LAMA3: variants seen among roughly 807,000 people sequenced by gnomAD.
LAMA3 encodes laminin subunit alpha-3.
A neutral mutation model predicts 402.0 loss-of-function variants in LAMA3; 281 were observed. The ratio of observed to expected loss-of-function variants is 0.70; its 90% CI spans 0.63 to 0.77. The LOEUF (loss-of-function observed/expected upper bound fraction) is 0.77. Ranked by LOEUF, LAMA3 falls within the 30% of genes least tolerant of loss-of-function variation. LAMA3 has a pLI of 0.00. For missense variants in LAMA3, 3,840 were observed against 4,215.5 expected, an observed-to-expected ratio of 0.91 and a Z score of 2.47; for synonymous variants, 1,431 against 1,558.4, an observed-to-expected ratio of 0.92 and a Z score of 1.93.
intron 32 of LAMA3, among the ~76,000 whole-genome samples, chr18:23,850,397 A>G (rs552471610): frequency 6.6e-6 from 1 of 152,358 alleles, no homozygotes; most frequent in Admixed American, 6.5e-5. Context: ...AATAAGTTGG[A>G]ACCATAAAAC....
chr18:23,720,928 G>A (rs1041262088), intron 2 of LAMA3, among the ~76,000 whole-genome samples: 1 of 152,138 alleles, frequency 6.6e-6, no homozygotes, highest in Non-Finnish European at 1.5e-5. Flanking sequence ...AGGCCAAGGT[G>A]GGAGGATTGC....
At chr18:23,780,839 C>T (rs1264217147) in intron 11 of LAMA3, among the ~76,000 whole-genome samples, 1 of 152,142 alleles carries the variant, frequency 6.6e-6, no homozygotes, top group African/African-American at 2.4e-5. Context: ...TTCTGTCCTG[C>T]AGGCATTGGG....
chr18:23,941,299 C>G (rs546751058), intron 68 of LAMA3, among the ~76,000 whole-genome samples: 1 of 142,728 alleles, frequency 7.0e-6, no homozygotes, highest in South Asian at 2.4e-4. Context: ...TCTGGCCTCC[C>G]CCTTGTGGCC....
intron 68 of LAMA3, among the ~76,000 whole-genome samples, chr18:23,942,752 A>G (rs1215792023): frequency 6.6e-6 from 1 of 151,964 alleles, no homozygotes; most frequent in Non-Finnish European, 1.5e-5. Context: ...TAATTTTTGT[A>G]TTTTTAGTAG....
chr18:23,813,033 TA>T, intron 13 of LAMA3, 23 bp from the exon 14 acceptor site: 2 of 1,567,420 alleles, frequency 1.3e-6, no homozygotes, highest in Non-Finnish European at 1.8e-6. Context: ...CCAGATAATT[TA>T]AAAATTTCTG....
chr18:23,860,261 C>CTTTTTTT (rs59852195), intron 34 of LAMA3, among the ~76,000 whole-genome samples: 115 of 112,652 alleles, frequency 1.0e-3, no homozygotes, highest in Non-Finnish European at 1.5e-3. Context: ...CTTTTCTTTT[C>CTTTTTTT]TTTTTTTTTT....
At chr18:23,769,980 A>C (rs1598754099) in intron 8 of LAMA3, among the ~76,000 whole-genome samples, 1 of 152,264 alleles carries the variant, frequency 6.6e-6, no homozygotes, top group Non-Finnish European at 1.5e-5. Flanking sequence ...AGTAAACTTT[A>C]AGACAAAGAG....
At position 23,815,305 on chromosome 18, in the gene LAMA3, T is replaced by TG. The variant is rs2063153845; in HGVS notation, c.1941+70dup. On this transcript the variant is annotated intron_variant, in intron 16 of 74. Transcript: ENST00000313654. ...CTACAGCAACTGCTTGTGGGGTTTC[T>TG]GGGGGCGTGTGTTAGTACTTCTGTC... 45 of 1,494,960 alleles carry TG rather than the reference T, an allele frequency of 3.0e-5. No individual in the cohort carries two copies. The South Asian group carries it at 4.9e-4, about 16-fold the overall frequency. The allele number at this position is 1,494,960 out of a possible 1,614,324, so 92.6% of individuals were successfully genotyped here.
intron 12 of LAMA3, among the ~76,000 whole-genome samples, chr18:23,787,863 A>G (rs1422712159): frequency 6.6e-6 from 1 of 152,198 alleles, no homozygotes; most frequent in Non-Finnish European, 1.5e-5. Flanking sequence ...ACCATCAAAT[A>G]ATAATTTGAA....
intron 51 of LAMA3, among the ~76,000 whole-genome samples, chr18:23,905,146 C>G (rs1221694272): frequency 2.0e-5 from 3 of 152,112 alleles, no homozygotes; most frequent in African/African-American, 7.2e-5. Flanking sequence ...TATTAAATAT[C>G]AGAGTTCAGG....
In LAMA3 at chr18:23,861,777, G is replaced by C; in HGVS notation, c.4554G>C (p.Trp1518Cys). ...CCGCAACCATCCACAGCGCGTCCTG[G>C]GTCGCACCCACCTCCTACCTGGGGG... ...ELPATIHSAS[W>C]VAPTSYLGDK... The change falls in exon 35 of 75, where the codon TGG becomes TGC. Residue 1518 changes from tryptophan (W) to cysteine (C), a missense_variant. Trp to Cys is a radical substitution (Grantham distance 215). Around this residue, in one of 3 missense-constraint regions of LAMA3, gnomAD observed 2,109 missense variants for 2,376.0 expected, o/e 0.89. Transcript: ENST00000313654. 6.2e-7 allele frequency: 1 copy of C among 1,613,500 alleles called. No homozygotes were observed. The highest frequency in any genetic ancestry group is 8.5e-7 in the Non-Finnish European group (1 of 1,179,710).
chr18:23,947,719 T>G (rs2082754993), intron 70 of LAMA3, among the ~76,000 whole-genome samples: 1 of 152,046 alleles, frequency 6.6e-6, no homozygotes, highest in African/African-American at 2.4e-5. Context: ...TTATTTATAA[T>G]ACACATTATA....
chr18:23,827,307 G>A lies in LAMA3; in HGVS notation c.2670-7G>A, dbSNP rs778249170. 6 of 1,614,094 alleles carry A rather than the reference G, an allele frequency of 3.7e-6. No individual in the cohort carries two copies. In the East Asian group the frequency reaches 1.1e-4, roughly 30 times the overall value. On this transcript the variant is annotated splice_polypyrimidine_tract_variant and splice_region_variant and intron_variant, in intron 22 of 74. Transcript: ENST00000313654. Reference sequence around the variant, plus strand: ...TATTGATTCCATTGTTGTTGCTGTTGTTGAAGTTGCTTACTCTACCAGCAT... The same window carrying A: ...TATTGATTCCATTGTTGTTGCTGTTATTGAAGTTGCTTACTCTACCAGCAT...
In LAMA3 at chr18:23,876,736, G is replaced by C. The variant is rs559583028; in HGVS notation, c.5112+329G>C. 5.3e-5 allele frequency among the ~76,000 whole-genome samples: 8 copies of C among 152,266 alleles called. No homozygotes were observed. The South Asian group carries it at 1.0e-3, about 20-fold the overall frequency. On this transcript the variant is annotated intron_variant, in intron 39 of 74. Transcript: ENST00000313654. ...AAAACTAATCCAAGCCACTACTTTG[G>C]GTCCCAATTTTGTTGGGGCGGCAGG...
chr18:23,817,574 G>A (rs766043605), intron 18 of LAMA3, among the ~76,000 whole-genome samples: 14 of 152,098 alleles, frequency 9.2e-5, no homozygotes, highest in Non-Finnish European at 1.6e-4. Flanking sequence ...AATTAGGCAG[G>A]CACTGTGGCA....
chr18:23,942,136 G>C (rs981572012), intron 68 of LAMA3, among the ~76,000 whole-genome samples: 4 of 152,156 alleles, frequency 2.6e-5, no homozygotes, highest in African/African-American at 9.7e-5. Flanking sequence ...TCCACTTCTG[G>C]TTTCTGCCTC....
intron 1 of LAMA3, among the ~76,000 whole-genome samples, chr18:23,708,262 TTACAA>T (rs1279684831): frequency 6.6e-5 from 10 of 152,186 alleles, no homozygotes; most frequent in African/African-American, 2.2e-4. Context: ...CTTTCCTTAA[TTACAA>T]TAGCTTCATA....
chr18:23,916,665 T>C lies in LAMA3; in HGVS notation c.7893T>C (p.Asp2631=), dbSNP rs778044930. The C allele has an allele frequency of 2.5e-6, 4 of 1,614,168 alleles. No individual in the cohort carries two copies. In the Admixed American group the frequency reaches 6.7e-5, roughly 27 times the overall value. ...GACAGACAATTCAGACCACCGTGGA[T>C]AGAGGCTTGCTGTTCTTTGCAGAAA... ...TFGQTIQTTV[D]RGLLFFAENG... The change falls in exon 60 of 75, where the codon GAT becomes GAC. Residue 2631 remains aspartate (D), a synonymous_variant. Coordinates refer to ENST00000313654, the MANE Select transcript of LAMA3 (RefSeq NM_198129.4).
chr18:23,732,933 A>G (rs2061417031), intron 2 of LAMA3, among the ~76,000 whole-genome samples: 1 of 152,124 alleles, frequency 6.6e-6, no homozygotes, highest in East Asian at 1.9e-4. Context: ...TATTAATTTA[A>G]TAATTCTGCT....
Sources: allele counts gnomAD v4.1 joint callset (sites outside exome capture counted in the v4.1 genomes callset), GRCh38; gene constraint gnomAD v4.1.1; regional missense constraint gnomAD v4.1.1; transcripts MANE v1.5; gene names NCBI Gene and HGNC (gene_info 2026-07-23, HGNC 2026-07-21).